Variants in GRIN2A observed in about 807,000 individuals in gnomAD.
The protein encoded by GRIN2A is glutamate receptor ionotropic, NMDA 2A.
A neutral mutation model predicts 113.4 loss-of-function variants in GRIN2A; 22 were observed. That is an observed-to-expected ratio of 0.19 (90% CI 0.14 to 0.28). The LOEUF (loss-of-function observed/expected upper bound fraction) is 0.28, where lower values mean the gene tolerates loss of function less well. Among genes scored for constraint, GRIN2A ranks in the 10% least tolerant of loss-of-function variants. GRIN2A has a pLI of 1.00. For missense variants in GRIN2A, 1,502 were observed against 1,887.0 expected (o/e 0.80, Z 3.78); for synonymous variants, 827 against 738.4 (o/e 1.12, Z -1.94).
At chr16:10,065,957 A>T (rs537876609) in intron 2 of GRIN2A, among the ~76,000 whole-genome samples, 2 of 152,168 alleles carry the variant, frequency 1.3e-5, no homozygotes, top group African/African-American at 4.8e-5. Context: ...TCACCTACCC[A>T]TACCTTAAAG....
At chr16:10,136,256 A>AAC (rs147488780) in intron 2 of GRIN2A, among the ~76,000 whole-genome samples, 18 of 151,860 alleles carry the variant, frequency 1.2e-4, no homozygotes, top group Non-Finnish European at 2.4e-4. Context: ...AGCACACACA[A>AAC]ACACACACAC....
chr16:9,905,013 TAA>T (rs1419721986), intron 3 of GRIN2A, among the ~76,000 whole-genome samples: 1 of 152,218 alleles, frequency 6.6e-6, no homozygotes, highest in Non-Finnish European at 1.5e-5. Context: ...GACCACAAAT[TAA>T]GAGTTTGATC....
intron 2 of GRIN2A, among the ~76,000 whole-genome samples, chr16:10,123,659 C>T (rs2142190595): frequency 6.6e-6 from 1 of 152,226 alleles, no homozygotes; most frequent in South Asian, 2.1e-4. Flanking sequence ...CTGGATGGGA[C>T]CTGAGATTCT....
intron 11 of GRIN2A, among the ~76,000 whole-genome samples, chr16:9,796,465 C>A (rs1199449181): frequency 6.6e-6 from 1 of 152,194 alleles, no homozygotes; most frequent in Non-Finnish European, 1.5e-5. Flanking sequence ...CACACTATTG[C>A]CATAAAACTT....
intron 10 of GRIN2A, among the ~76,000 whole-genome samples, chr16:9,807,867 A>T (rs2042013243): frequency 6.6e-6 from 1 of 152,214 alleles, no homozygotes; most frequent in African/African-American, 2.4e-5. Context: ...ATCTGACAGG[A>T]AGGAAAACAT....
chr16:10,180,217 C>G lies in GRIN2A; in HGVS notation c.195G>C (p.Leu65=). Residue 65 remains leucine, a synonymous_variant, in exon 2 of 13, where the codon CTG becomes CTC. Transcript: ENST00000330684. The surrounding 1 kb of genome is among the most constrained non-coding windows in gnomAD (Gnocchi z 7.0). The part of the protein sequence containing the change: ...WGPEQAAGLP[L]DVNVVALLMN... ...TCAGCAGAGCTACCACGTTCACGTC[C>G]AGGGGCAGCCCCGCCGCCTGCTCGG... 6.2e-7 allele frequency: 1 copy of G among 1,614,134 alleles called. No homozygotes were observed. The highest frequency in any genetic ancestry group is 8.5e-7 in the Non-Finnish European group (1 of 1,180,036).
At chr16:9,950,601 C>G (rs2045155861) in intron 2 of GRIN2A, among the ~76,000 whole-genome samples, 1 of 152,198 alleles carries the variant, frequency 6.6e-6, no homozygotes, top group Non-Finnish European at 1.5e-5. Flanking sequence ...TCTAATGAGG[C>G]TACTAAGCAG....
intron 2 of GRIN2A, among the ~76,000 whole-genome samples, chr16:9,972,396 T>G (rs564555162): frequency 1.3e-5 from 2 of 152,044 alleles, no homozygotes; most frequent in South Asian, 4.2e-4. Flanking sequence ...AAGACTTACT[T>G]TACATATAAG....
chr16:9,809,144 G>T (rs1038869697), intron 10 of GRIN2A, among the ~76,000 whole-genome samples: 1 of 152,120 alleles, frequency 6.6e-6, no homozygotes, highest in Non-Finnish European at 1.5e-5. Flanking sequence ...TGCAGACCGG[G>T]CACGGTGGCT....
intron 2 of GRIN2A, among the ~76,000 whole-genome samples, chr16:10,152,531 C>T (rs6497731): frequency 6.6e-6 from 1 of 152,070 alleles, no homozygotes; most frequent in Non-Finnish European, 1.5e-5. Context: ...CCATCACTCA[C>T]TCTGACCTGG....
chr16:10,167,254 C>T (rs761962530), intron 2 of GRIN2A, among the ~76,000 whole-genome samples: 3 of 152,072 alleles, frequency 2.0e-5, no homozygotes, highest in African/African-American at 7.2e-5. Flanking sequence ...TGGAAGGGTC[C>T]GTAGCCTTCA....
intron 3 of GRIN2A, among the ~76,000 whole-genome samples, chr16:9,904,458 A>G (rs2043990406): frequency 6.6e-6 from 1 of 151,380 alleles, no homozygotes; most frequent in Non-Finnish European, 1.5e-5. Context: ...TGCAACCTCC[A>G]CCTCCCGGGT....
intron 2 of GRIN2A, among the ~76,000 whole-genome samples, chr16:10,145,575 A>C (rs545181244): frequency 1.3e-5 from 2 of 152,190 alleles, no homozygotes; most frequent in African/African-American, 2.4e-5. Context: ...TTCATTACAC[A>C]TTCTCTCTAT....
chr16:10,080,960 CTG>C (rs768992274), intron 2 of GRIN2A, among the ~76,000 whole-genome samples: 4 of 152,196 alleles, frequency 2.6e-5, no homozygotes, highest in African/African-American at 7.2e-5. Flanking sequence ...CTGTTAGACT[CTG>C]AGATCTTGTA....
chr16:10,102,615 C>A (rs571127732), intron 2 of GRIN2A, among the ~76,000 whole-genome samples: 1 of 152,078 alleles, frequency 6.6e-6, no homozygotes, highest in East Asian at 1.9e-4. Context: ...GTTGTGATCT[C>A]TGCTCACTGC....
At chr16:9,933,389 G>A (rs1227791895) in intron 3 of GRIN2A, among the ~76,000 whole-genome samples, 2 of 152,046 alleles carry the variant, frequency 1.3e-5, no homozygotes, top group East Asian at 3.9e-4. Flanking sequence ...ACCACCAAGT[G>A]GCATGTCTAG....
intron 2 of GRIN2A, among the ~76,000 whole-genome samples, chr16:9,955,722 AT>A (rs1397998361): frequency 2.0e-5 from 3 of 152,138 alleles, no homozygotes; most frequent in Admixed American, 6.5e-5. Context: ...GCCTAATTCC[AT>A]TTTTGGTTTT....
intron 10 of GRIN2A, among the ~76,000 whole-genome samples, chr16:9,811,845 C>T (rs1305134839): frequency 6.6e-6 from 1 of 152,172 alleles, no homozygotes; most frequent in African/African-American, 2.4e-5. Context: ...ACAGTTCTTC[C>T]CCAGGAGGAA....
chr16:10,056,693 A>C (rs1741878178), intron 2 of GRIN2A, among the ~76,000 whole-genome samples: 1 of 152,134 alleles, frequency 6.6e-6, no homozygotes, highest in Admixed American at 6.6e-5. Context: ...GGCCACATAA[A>C]TATGGAAACA....
Sources: gnomAD v4.1 joint callset for allele counts (sites outside exome capture counted in the v4.1 genomes callset) on GRCh38, gnomAD v4.1.1 for gene constraint, Gnocchi (gnomAD v3.1) non-coding constraint, MANE v1.5 for transcripts, NCBI Gene and HGNC (gene_info 2026-07-23, HGNC 2026-07-21) for gene names.